The following KIF1B variants were observed in gnomAD, a reference collection of about 807,000 sequenced individuals.
KIF1B encodes the protein kinesin-like protein KIF1B.
Under a neutral mutation model 241.9 loss-of-function variants are expected in KIF1B, and 76 were observed. The observed-to-expected ratio is 0.31, with a 90% CI of 0.26 to 0.38. The LOEUF (loss-of-function observed/expected upper bound fraction) is 0.38, where lower values mean the gene tolerates loss of function less well. Among genes scored for constraint, KIF1B ranks in the 10% least tolerant of loss-of-function variants. KIF1B has a pLI of 1.00. For synonymous variants in KIF1B, 750 were observed against 796.7 expected (o/e 0.94, Z 0.99); for missense variants, 1,622 against 2,271.4 (o/e 0.71, Z 5.81).
intron 15 of KIF1B, 88 bp downstream of exon 15, chr1:10,282,621 A>G: frequency 9.2e-7 from 1 of 1,083,948 alleles, no homozygotes; most frequent in Non-Finnish European, 1.4e-6. Flanking sequence ...ATTTCGACTC[A>G]GCATATGGAG....
intron 1 of KIF1B, among the ~76,000 whole-genome samples, chr1:10,229,705 C>G (rs1415355643): frequency 4.0e-5 from 6 of 149,818 alleles, no homozygotes; most frequent in African/African-American, 1.5e-4. Context: ...AAAAAAAATA[C>G]AAAAAATTAG....
At position 10,232,254 on chromosome 1, in the gene KIF1B, C is replaced by G; in HGVS notation, c.-75C>G. On this transcript the variant is annotated 5_prime_UTR_variant, in exon 2 of 49. Transcript: ENST00000676179. The stretch of plus-strand genomic sequence containing the variant: ...GGAATTTTTTTCTTTTCAAAGGAAA[C>G]TTGGCTGTAACTTCAAAAGAAGATT... The G allele has an allele frequency of 4.2e-6, 5 of 1,178,306 alleles. No individual in the cohort carries two copies. The highest frequency in any genetic ancestry group is 4.9e-6 in the Non-Finnish European group (4 of 809,168). The allele number at this position is 1,178,306 out of a possible 1,614,324, so 73.0% of individuals were successfully genotyped here.
chr1:10,276,665 T>C (rs535105339), intron 12 of KIF1B, among the ~76,000 whole-genome samples: 3 of 152,216 alleles, frequency 2.0e-5, no homozygotes, highest in Admixed American at 6.5e-5. Context: ...AGCTTTTTCA[T>C]AGGAAAGATT....
At chr1:10,252,454 A>G (rs1647511744) in intron 2 of KIF1B, among the ~76,000 whole-genome samples, 1 of 152,040 alleles carries the variant, frequency 6.6e-6, no homozygotes, top group South Asian at 2.1e-4. Context: ...TCTGTCATCC[A>G]GGATGGAGTG....
At chr1:10,339,715 C>T in intron 31 of KIF1B, 54 bp from the exon 32 acceptor site, 3 of 1,458,166 alleles carry the variant, frequency 2.1e-6, no homozygotes, top group Non-Finnish European at 1.9e-6. Context: ...GAAAGAGATT[C>T]TGATAAAACC....
At chr1:10,268,965 G>T (rs1648629960) in intron 7 of KIF1B, among the ~76,000 whole-genome samples, 1 of 152,024 alleles carries the variant, frequency 6.6e-6, no homozygotes, top group African/African-American at 2.4e-5. Flanking sequence ...ATAATGTCTG[G>T]CACAGAGTAG....
intron 22 of KIF1B, among the ~76,000 whole-genome samples, chr1:10,314,479 G>T (rs1276539830): frequency 1.3e-5 from 2 of 151,412 alleles, no homozygotes; most frequent in Non-Finnish European, 2.9e-5. Context: ...GAGTGGAGTG[G>T]CACAGTCTTG....
chr1:10,328,413 G>A (rs1333277761), intron 27 of KIF1B, among the ~76,000 whole-genome samples: 1 of 152,150 alleles, frequency 6.6e-6, no homozygotes, highest in African/African-American at 2.4e-5. Flanking sequence ...GTTTTTCCAT[G>A]AATAAACATA....
chr1:10,230,390 T>G (rs1409163230), intron 1 of KIF1B, among the ~76,000 whole-genome samples: 1 of 152,114 alleles, frequency 6.6e-6, no homozygotes, highest in African/African-American at 2.4e-5. Context: ...TTATATTGGA[T>G]AGAGTGTAGA....
intron 2 of KIF1B, among the ~76,000 whole-genome samples, chr1:10,238,025 A>T (rs1427292638): frequency 6.6e-6 from 1 of 152,122 alleles, no homozygotes; most frequent in Non-Finnish European, 1.5e-5. Context: ...AAAGAAAGAA[A>T]GAAAGAAAAT....
In KIF1B at chr1:10,279,113, T is replaced by C. The variant is rs1265059304; in HGVS notation, c.1197T>C (p.Asp399=). 6.5e-7 allele frequency: 1 copy of C among 1,547,802 alleles called. No individual in the cohort carries two copies. The highest frequency in any genetic ancestry group is 8.7e-7 in the Non-Finnish European group (1 of 1,144,466). The change falls in exon 14 of 49, where the codon GAT becomes GAC. Residue 399 remains aspartate, a synonymous_variant. Transcript: ENST00000676179. ...GDIIDIDPLI[D]DYSGSGSKYL... is the part of the protein sequence containing the mutation. ...TACCTTCAGTTGATCCATTGATCGA[T>C]GATTACTCTGGAAGTGGAAGCAAAT...
chr1:10,216,678 G>C (rs1046159003), intron 1 of KIF1B, among the ~76,000 whole-genome samples: 1 of 152,044 alleles, frequency 6.6e-6, no homozygotes, highest in Non-Finnish European at 1.5e-5. Flanking sequence ...TTTCTCCACA[G>C]TTGCTATTAT....
chr1:10,365,133 C>T lies in KIF1B; in HGVS notation c.4400C>T (p.Thr1467Met). Residue 1467 changes from threonine (T) to methionine (M), a missense_variant, in exon 42 of 49, where the codon ACG (threonine) becomes ATG (methionine). Thr to Met is a moderately conservative substitution (Grantham distance 81). Around this residue, in one of 7 missense-constraint regions of KIF1B, gnomAD observed 803 missense variants for 1,112.0 expected, o/e 0.72. Coordinates refer to ENST00000676179, the MANE Select transcript of KIF1B (RefSeq NM_001365951.3). The surrounding 1 kb of genome is among the most constrained non-coding windows in gnomAD (Gnocchi z 4.0). ...MQRRRRKILD[T>M]SVAYVRGEEN... The stretch of plus-strand genomic sequence containing the variant: ...AGAAGGAGAAGAAAAATCTTAGATA[C>T]GTCAGTGGCATATGTGCGGGGAGAA... 4.3e-6 allele frequency: 7 copies of T among 1,613,706 alleles called. No homozygotes were observed. The highest frequency in any genetic ancestry group is 1.7e-5 in the Admixed American group (1 of 59,956).
At position 10,335,622 on chromosome 1, in the gene KIF1B, G is replaced by GT. The variant is rs111418316; in HGVS notation, c.3043+986dup. ...TGTTAGGCCTTTGTCTTGCTTAGTTGTTGTTTTTTTGTTTGTTTGTTTTTT... is the reference window on the plus strand; with the variant it reads ...TGTTAGGCCTTTGTCTTGCTTAGTTGTTTGTTTTTTTGTTTGTTTGTTTTTT... On this transcript the variant is annotated intron_variant, in intron 28 of 48. Transcript: ENST00000676179. Among the ~76,000 whole-genome samples the GT allele has an allele frequency of 2.0e-3, 296 of 150,464 alleles. 1 individual carries two copies. Among genetic ancestry groups the GT allele is most frequent in the African/African-American group, 5.7e-3 (233 of 40,818 alleles).
intron 2 of KIF1B, among the ~76,000 whole-genome samples, chr1:10,247,324 CTCAGA>C (rs1437897167): frequency 2.0e-5 from 3 of 152,218 alleles, no homozygotes; most frequent in Non-Finnish European, 4.4e-5. Context: ...CAGATTCCTG[CTCAGA>C]TATCTCCTCA....
chr1:10,341,272 G>T (rs993827809), intron 32 of KIF1B, among the ~76,000 whole-genome samples: 5 of 152,360 alleles, frequency 3.3e-5, no homozygotes, highest in Admixed American at 6.5e-5. Context: ...TTTTGTTGGG[G>T]AGGATAGTTG....
intron 28 of KIF1B, among the ~76,000 whole-genome samples, chr1:10,335,678 G>A (rs913123570): frequency 1.3e-5 from 2 of 150,544 alleles, no homozygotes; most frequent in African/African-American, 2.5e-5. Flanking sequence ...ACATTTGTTT[G>A]GCTGTTGTTT....
At chr1:10,345,618 G>GA (rs1652560118) in intron 34 of KIF1B, 2 of 528,214 alleles carry the variant, frequency 3.8e-6, no homozygotes, top group Non-Finnish European at 6.8e-6. Context: ...AGTTTGTTGA[G>GA]AAAAAAGATA....
At chr1:10,363,426 A>T (rs1638479332) in intron 41 of KIF1B, 82 bp downstream of exon 41, 1 of 1,183,054 alleles carries the variant, frequency 8.5e-7, no homozygotes. Flanking sequence ...GCACGGTGGC[A>T]CACACCTGTA....
Sources: gnomAD v4.1 joint callset for allele counts (sites outside exome capture counted in the v4.1 genomes callset) on GRCh38, gnomAD v4.1.1 for gene constraint, gnomAD v4.1.1 regional missense constraint, Gnocchi (gnomAD v3.1) non-coding constraint, MANE v1.5 for transcripts, NCBI Gene and HGNC (gene_info 2026-07-23, HGNC 2026-07-21) for gene names.